The following RGS7 variants were observed in gnomAD, a reference collection of about 807,000 sequenced individuals.
RGS7 encodes regulator of G protein signaling 7.
In RGS7, 27 loss-of-function variants were observed where a neutral mutation model predicts 81.1. The ratio of observed to expected loss-of-function variants is 0.33; its 90% CI spans 0.25 to 0.46. The LOEUF (loss-of-function observed/expected upper bound fraction) is 0.46. Among genes scored for constraint, RGS7 ranks in the 20% least tolerant of loss-of-function variants. The pLI, the probability that RGS7 is intolerant of heterozygous loss-of-function variation, is 1.00. For synonymous variants in RGS7, 208 were observed against 207.7 expected (o/e 1.00, Z -0.01); for missense variants, 396 against 607.4 (o/e 0.65, Z 3.66).
chr1:240,814,808 A>G (rs752630703), intron 11 of RGS7, 31 bp from the exon 12 acceptor site: 46 of 1,338,960 alleles, frequency 3.4e-5, no homozygotes, highest in Non-Finnish European at 4.8e-5. Context: ...GGAGTTACAT[A>G]AGTAATGACA....
chr1:241,259,481 C>CCCAT (rs1446895356), intron 2 of RGS7, among the ~76,000 whole-genome samples: 6 of 150,384 alleles, frequency 4.0e-5, no homozygotes, highest in Admixed American at 2.7e-4. Flanking sequence ...ATGGAGAAAC[C>CCCAT]CTCTACTAAA....
Position 241,228,744 on chromosome 1 carries a change from T to TA in RGS7, c.78+126954dup, listed in dbSNP as rs895341104. On this transcript the variant is annotated intron_variant, in intron 2 of 18. Transcript: ENST00000440928. ...AATATTAGATCAAGCACGGGGTAGTTAAAAAAAAAAATCACATGCTTTGGC... is the reference window on the plus strand; with the variant it reads ...AATATTAGATCAAGCACGGGGTAGTTAAAAAAAAAAAATCACATGCTTTGGC... Among the ~76,000 whole-genome samples, 395 of 147,962 alleles carry TA rather than the reference T, an allele frequency of 2.7e-3. 3 individuals carry two copies. Among genetic ancestry groups the TA allele is most frequent in the African/African-American group, 4.7e-3 (192 of 40,556 alleles).
chr1:240,979,471 T>C (rs928976174), intron 4 of RGS7, among the ~76,000 whole-genome samples: 9 of 152,166 alleles, frequency 5.9e-5, no homozygotes, highest in Non-Finnish European at 1.3e-4. Context: ...ATAGAGTATA[T>C]TCTTGGTTAG....
intron 2 of RGS7, among the ~76,000 whole-genome samples, chr1:241,248,907 T>C (rs756037777): frequency 3.3e-5 from 5 of 152,202 alleles, no homozygotes; most frequent in Non-Finnish European, 7.3e-5. Flanking sequence ...TATTTCTTGG[T>C]TGTACAGATT....
intron 4 of RGS7, 89 bp downstream of exon 4, chr1:240,982,990 T>G (rs1336716178): frequency 1.4e-6 from 1 of 733,898 alleles, no homozygotes; most frequent in Non-Finnish European, 2.4e-6. Flanking sequence ...GAGGTTTGCT[T>G]GCGTGCCATA....
intron 2 of RGS7, among the ~76,000 whole-genome samples, chr1:241,263,776 T>C (rs2077454891): frequency 6.6e-6 from 1 of 152,184 alleles, no homozygotes. Context: ...GAGTCCAAAA[T>C]GCCGGCCTCA....
intron 5 of RGS7, among the ~76,000 whole-genome samples, chr1:240,933,773 G>A (rs1676114048): frequency 6.6e-6 from 1 of 151,918 alleles, no homozygotes; most frequent in African/African-American, 2.4e-5. Flanking sequence ...GAGAGCTAAA[G>A]AATTACATCA....
At chr1:241,228,803 G>A (rs2075476628) in intron 2 of RGS7, among the ~76,000 whole-genome samples, 2 of 150,582 alleles carry the variant, frequency 1.3e-5, no homozygotes, top group African/African-American at 4.8e-5. Flanking sequence ...CCTGAGGTAA[G>A]TTTACTTTAT....
intron 2 of RGS7, among the ~76,000 whole-genome samples, chr1:241,195,267 G>T (rs916950372): frequency 4.6e-5 from 7 of 152,162 alleles, no homozygotes; most frequent in African/African-American, 1.7e-4. Flanking sequence ...CCTGAGGTCA[G>T]GAGTTCGAGA....
chr1:240,940,123 T>G (rs1572874673), intron 4 of RGS7, among the ~76,000 whole-genome samples: 1 of 152,116 alleles, frequency 6.6e-6, no homozygotes, highest in Admixed American at 6.5e-5. Flanking sequence ...CTTAATCAAG[T>G]AACCCCTACT....
chr1:240,943,955 G>T (rs1678038989), intron 4 of RGS7, among the ~76,000 whole-genome samples: 2 of 151,716 alleles, frequency 1.3e-5, no homozygotes, highest in Non-Finnish European at 2.9e-5. Context: ...ACTAAAAAAA[G>T]AAAATCGACA....
At chr1:241,349,613 AT>A (rs2083109900) in intron 2 of RGS7, among the ~76,000 whole-genome samples, 1 of 152,204 alleles carries the variant, frequency 6.6e-6, no homozygotes. Context: ...CTGTGGGCAA[AT>A]GGCAGAAAGA....
At chr1:240,862,633 G>C (rs1216736087) in intron 9 of RGS7, among the ~76,000 whole-genome samples, 1 of 152,140 alleles carries the variant, frequency 6.6e-6, no homozygotes, top group Non-Finnish European at 1.5e-5. Flanking sequence ...CAAAAATGCT[G>C]TTAGGATAAC....
At chr1:241,108,206 G>C (rs1169458490) in intron 2 of RGS7, among the ~76,000 whole-genome samples, 1 of 151,510 alleles carries the variant, frequency 6.6e-6, no homozygotes, top group Non-Finnish European at 1.5e-5. Context: ...GGGAGGCTGA[G>C]GCAGAAGAAT....
intron 2 of RGS7, among the ~76,000 whole-genome samples, chr1:241,206,630 C>A (rs1313848672): frequency 6.6e-6 from 1 of 152,150 alleles, no homozygotes; most frequent in Non-Finnish European, 1.5e-5. Flanking sequence ...TGTGCCCAAT[C>A]TTATTCTTTG....
chr1:241,166,952 G>C (rs1255714884), intron 2 of RGS7, among the ~76,000 whole-genome samples: 1 of 152,144 alleles, frequency 6.6e-6, no homozygotes, highest in Non-Finnish European at 1.5e-5. Flanking sequence ...CCAGTAAAAT[G>C]TGTTAATTGC....
chr1:241,100,142 G>A lies in RGS7; in HGVS notation c.79-1380C>T, dbSNP rs571216548. 2.4e-3 allele frequency among the ~76,000 whole-genome samples: 358 copies of A among 152,080 alleles called. 2 individuals carry two copies. The highest frequency in any genetic ancestry group is 8.0e-3 in the African/African-American group (331 of 41,470). ...TGTAATCCCAGCACTTTGGGAGGCC[G>A]AGGCGGGCGGATCATGAGGTCAGGA... On this transcript the variant is annotated intron_variant, in intron 2 of 18. Transcript: ENST00000440928.
chr1:241,315,078 A>G (rs2080782528), intron 2 of RGS7, among the ~76,000 whole-genome samples: 1 of 146,172 alleles, frequency 6.8e-6, no homozygotes. Flanking sequence ...ACAATGAAAC[A>G]GTAGAAGCTT....
intron 6 of RGS7, chr1:240,920,155 CTG>C: frequency 2.1e-6 from 2 of 964,658 alleles, no homozygotes; most frequent in Non-Finnish European, 1.7e-6. Flanking sequence ...AAATACCACA[CTG>C]TGAATGGCCA....
Sources: allele counts gnomAD v4.1 joint callset (sites outside exome capture counted in the v4.1 genomes callset), GRCh38; gene constraint gnomAD v4.1.1; transcripts MANE v1.5; gene names NCBI Gene and HGNC (gene_info 2026-07-23, HGNC 2026-07-21).